Variants in TFEC observed in about 807,000 individuals in gnomAD.
TFEC encodes the protein class E basic helix-loop-helix protein 34.
TFEC carries 31 observed loss-of-function variants against 41.6 expected under a neutral mutation model. That is an observed-to-expected ratio of 0.74 (90% CI 0.56 to 1.01). The LOEUF (loss-of-function observed/expected upper bound fraction) is 1.01, where lower values mean the gene tolerates loss of function less well. Among genes scored for constraint, TFEC ranks in the 50% least tolerant of loss-of-function variants. The pLI, the probability that TFEC is intolerant of heterozygous loss-of-function variation, is 0.00. For missense variants in TFEC, 402 were observed against 404.1 expected, an observed-to-expected ratio of 0.99 and a Z score of 0.04; for synonymous variants, 143 against 140.6, an observed-to-expected ratio of 1.02 and a Z score of -0.12.
At chr7:116,039,614 T>C (rs1377775753) in intron 3 of TFEC, among the ~76,000 whole-genome samples, 1 of 152,004 alleles carries the variant, frequency 6.6e-6, no homozygotes, top group Non-Finnish European at 1.5e-5. Context: ...ACAGAAAGTT[T>C]TCTCCAGGAA....
chr7:116,124,467 C>T (rs540503566), intron 1 of TFEC, among the ~76,000 whole-genome samples: 4 of 151,968 alleles, frequency 2.6e-5, no homozygotes, highest in Admixed American at 6.6e-5. Context: ...CAAACTTTGG[C>T]GTATAATTCA....
intron 1 of TFEC, among the ~76,000 whole-genome samples, chr7:115,992,016 A>G (rs1356025100): frequency 1.3e-5 from 2 of 152,240 alleles, no homozygotes; most frequent in Non-Finnish European, 2.9e-5. Context: ...CTCTCAGACC[A>G]CAGTGCAATC....
exon 3 of TFEC, chr7:116,110,813 G>A: frequency 6.5e-7 from 1 of 1,547,712 alleles, no homozygotes; most frequent in Non-Finnish European, 8.7e-7. Context: ...CTGTTCTATG[G>A]GCACTGATTT....
At chr7:116,038,374 C>G (rs1194436030) in intron 3 of TFEC, among the ~76,000 whole-genome samples, 1 of 151,958 alleles carries the variant, frequency 6.6e-6, no homozygotes, top group Non-Finnish European at 1.5e-5. Context: ...CTACCTAAAA[C>G]TATTTTTAGA....
chr7:116,009,112 T>C (rs1159551575), intron 1 of TFEC, among the ~76,000 whole-genome samples: 1 of 152,200 alleles, frequency 6.6e-6, no homozygotes, highest in Non-Finnish European at 1.5e-5. Flanking sequence ...TACAATTTCA[T>C]CTACCTCCAT....
chr7:115,952,406 A>G (rs994847481), intron 5 of TFEC, among the ~76,000 whole-genome samples: 16 of 152,136 alleles, frequency 1.1e-4, no homozygotes, highest in African/African-American at 3.8e-4. Context: ...ATAAAATAAT[A>G]AGAATTTCTT....
At chr7:115,999,423 T>C (rs953671826) in intron 1 of TFEC, among the ~76,000 whole-genome samples, 9 of 151,898 alleles carry the variant, frequency 5.9e-5, no homozygotes, top group Non-Finnish European at 1.3e-4. Context: ...TAACAATGCA[T>C]CTTAAAGAAA....
rs1584534819 is a variant in TFEC at position 115,936,731 on chromosome 7, A to G, written c.*3820T>C. 1 of 151,746 alleles carries G rather than the reference A, an allele frequency of 6.6e-6. No individual in the cohort carries two copies. Among genetic ancestry groups the G allele is most frequent in the South Asian group, 2.1e-4 (1 of 4,826 alleles). 9.4% of individuals were successfully genotyped at this position (151,746 alleles called of 1,614,324 possible). ...TCATGACATTATGGTAAATGAGCAC[A>G]CCAAATCAAGACATTCTTTGTATCT... On this transcript the variant is annotated 3_prime_UTR_variant, in exon 8 of 8. Transcript: ENST00000265440.
intron 1 of TFEC, among the ~76,000 whole-genome samples, chr7:116,130,688 C>T (rs1798314831): frequency 1.3e-5 from 2 of 152,186 alleles, no homozygotes; most frequent in Admixed American, 6.5e-5. Flanking sequence ...TCCCAGCTCA[C>T]TGCAGCCTCA....
At chr7:115,951,977 G>T (rs1263978811) in intron 5 of TFEC, among the ~76,000 whole-genome samples, 1 of 151,976 alleles carries the variant, frequency 6.6e-6, no homozygotes, top group Admixed American at 6.6e-5. Flanking sequence ...AGCTTTTGGG[G>T]AAGTAAAGGT....
chr7:116,026,163 C>G (rs965673873), intron 1 of TFEC, among the ~76,000 whole-genome samples: 1 of 152,214 alleles, frequency 6.6e-6, no homozygotes, highest in Non-Finnish European at 1.5e-5. Context: ...AGCCCCACTT[C>G]ATGTTATTTC....
intron 3 of TFEC, among the ~76,000 whole-genome samples, chr7:116,094,509 T>C (rs1797405361): frequency 6.6e-6 from 1 of 151,010 alleles, no homozygotes; most frequent in Non-Finnish European, 1.5e-5. Flanking sequence ...TGAAATCCCG[T>C]CTCTACCAAA....
At chr7:116,075,130 G>A (rs986676345) in intron 3 of TFEC, among the ~76,000 whole-genome samples, 13 of 152,178 alleles carry the variant, frequency 8.5e-5, no homozygotes, top group African/African-American at 2.7e-4. Flanking sequence ...GGTAATGTTT[G>A]CACAACTCTG....
At position 116,005,564 on chromosome 7, in the gene TFEC, A is replaced by C. The variant is rs1465483428; in HGVS notation, c.-72-21051T>G. Among the ~76,000 whole-genome samples the C allele has an allele frequency of 2.6e-5, 4 of 152,216 alleles. No individual in the cohort carries two copies. In the East Asian group the frequency reaches 7.7e-4, roughly 29 times the overall value. On this transcript the variant is annotated intron_variant, in intron 1 of 7. Coordinates refer to ENST00000265440, the MANE Select transcript of TFEC (RefSeq NM_012252.4). ...ATTTCTAAGCAGCAAAGCATTCAAGAGGTGACTTGGGTGCTGTTAAAGGCA... is the reference window on the plus strand; with the variant it reads ...ATTTCTAAGCAGCAAAGCATTCAAGCGGTGACTTGGGTGCTGTTAAAGGCA...
At chr7:116,073,077 G>A (rs913775417) in intron 3 of TFEC, among the ~76,000 whole-genome samples, 11 of 151,348 alleles carry the variant, frequency 7.3e-5, no homozygotes, top group East Asian at 1.9e-4. Context: ...GCATGATCTC[G>A]TACATAGAAA....
chr7:115,991,309 TG>T (rs1794100825), intron 1 of TFEC, among the ~76,000 whole-genome samples: 1 of 152,184 alleles, frequency 6.6e-6, no homozygotes, highest in South Asian at 2.1e-4. Context: ...AGGAAGAAAC[TG>T]CATCAACTAA....
intron 4 of TFEC, among the ~76,000 whole-genome samples, chr7:115,954,967 CATT>C (rs1792145324): frequency 6.6e-6 from 1 of 151,944 alleles, no homozygotes; most frequent in East Asian, 1.9e-4. Flanking sequence ...ACCTTAAAAT[CATT>C]GTGATAACCA....
upstream of TFEC, among the ~76,000 whole-genome samples, chr7:116,031,228 A>G (rs1174646660): frequency 6.6e-6 from 1 of 151,964 alleles, no homozygotes; most frequent in Non-Finnish European, 1.5e-5. Context: ...CATATTTTCT[A>G]TAATTACATT....
At chr7:116,146,821 A>AT (rs1306259463) in intron 1 of TFEC, among the ~76,000 whole-genome samples, 2 of 152,188 alleles carry the variant, frequency 1.3e-5, no homozygotes. Flanking sequence ...AGCCTACAAA[A>AT]TGAGTTTACC....
Sources: allele counts gnomAD v4.1 joint callset (sites outside exome capture counted in the v4.1 genomes callset), GRCh38; gene constraint gnomAD v4.1.1; transcripts MANE v1.5; gene names NCBI Gene and HGNC (gene_info 2026-07-23, HGNC 2026-07-21).